The following POFUT3 variants were observed in gnomAD, a reference collection of about 807,000 sequenced individuals.
The protein encoded by POFUT3 is protein O-fucosyltransferase 3.
At chr8:33,449,930 CTTTTCTTTT>C in the POFUT3 span, among the ~76,000 whole-genome samples, 3 of 110,774 alleles carry the variant, frequency 2.7e-5, no homozygotes, top group African/African-American at 1.1e-4. Context: ...GGTTATGAAG[CTTTTCTTTT>C]TTTTTTTTTT....
chr8:33,461,740 C>G, the POFUT3 span: 3 of 1,097,892 alleles, frequency 2.7e-6, no homozygotes, highest in Non-Finnish European at 3.7e-6. Flanking sequence ...AACAAAAGAT[C>G]ATCTTTTAGC....
the POFUT3 span, among the ~76,000 whole-genome samples, chr8:33,360,633 C>G: frequency 6.6e-6 from 1 of 152,076 alleles, no homozygotes; most frequent in Admixed American, 6.6e-5. Flanking sequence ...TCTGGCTTAA[C>G]CAATAGCGCC....
the POFUT3 span, among the ~76,000 whole-genome samples, chr8:33,318,221 T>G: frequency 6.6e-6 from 1 of 151,834 alleles, no homozygotes; most frequent in Admixed American, 6.6e-5. Context: ...GTTTTGTATT[T>G]TCGTCTGAAG....
chr8:33,376,399 T>C, the POFUT3 span, among the ~76,000 whole-genome samples: 1 of 152,270 alleles, frequency 6.6e-6, no homozygotes, highest in East Asian at 1.9e-4. Context: ...ATAGGAAATA[T>C]ATGAGGAGAT....
At chr8:33,391,840 T>C in the POFUT3 span, among the ~76,000 whole-genome samples, 1 of 152,050 alleles carries the variant, frequency 6.6e-6, no homozygotes, top group African/African-American at 2.4e-5. Flanking sequence ...GGGATTTGAG[T>C]GAGTGACCCA....
chr8:33,338,745 G>A, the POFUT3 span: 9 of 152,168 alleles, frequency 5.9e-5, no homozygotes, highest in African/African-American at 1.4e-4. Flanking sequence ...AAAGCCAAGT[G>A]AGGTGTCAGT....
the POFUT3 span, among the ~76,000 whole-genome samples, chr8:33,369,614 C>T: frequency 6.6e-6 from 1 of 152,054 alleles, no homozygotes; most frequent in Admixed American, 6.6e-5. Flanking sequence ...CTATTAATGA[C>T]TTTTTTAATG....
At chr8:33,384,516 G>A in the POFUT3 span, among the ~76,000 whole-genome samples, 1 of 152,010 alleles carries the variant, frequency 6.6e-6, no homozygotes, top group Non-Finnish European at 1.5e-5. Flanking sequence ...TATCACTCAG[G>A]GGTTACAGAA....
the POFUT3 span, among the ~76,000 whole-genome samples, chr8:33,367,548 T>C: frequency 6.6e-6 from 1 of 152,184 alleles, no homozygotes; most frequent in Non-Finnish European, 1.5e-5. Flanking sequence ...CACCTCTATA[T>C]TTCTGTGTGT....
the POFUT3 span, among the ~76,000 whole-genome samples, chr8:33,320,742 C>A: frequency 2.6e-4 from 40 of 152,200 alleles, no homozygotes; most frequent in African/African-American, 9.1e-4. Flanking sequence ...CACATGGCCT[C>A]CATGAGGCTT....
chr8:33,356,977 G>A, the POFUT3 span, among the ~76,000 whole-genome samples: 1 of 152,088 alleles, frequency 6.6e-6, no homozygotes, highest in African/African-American at 2.4e-5. Context: ...AGATCAGATA[G>A]TTGTAGATAT....
chr8:33,324,294 T>C, the POFUT3 span, among the ~76,000 whole-genome samples: 3 of 152,254 alleles, frequency 2.0e-5, no homozygotes, highest in East Asian at 5.8e-4. Flanking sequence ...ACATGGATAA[T>C]GGTGAGCAAA....
the POFUT3 span, among the ~76,000 whole-genome samples, chr8:33,339,953 AAAG>A: frequency 6.6e-6 from 1 of 152,204 alleles, no homozygotes; most frequent in Non-Finnish European, 1.5e-5. Context: ...AGAAAATTAT[AAAG>A]AATATGCTAA....
chr8:33,451,449 T>C, the POFUT3 span, among the ~76,000 whole-genome samples: 42 of 152,034 alleles, frequency 2.8e-4, no homozygotes, highest in African/African-American at 9.7e-4. Context: ...TATATGTGCA[T>C]GTGTATATGT....
the POFUT3 span, among the ~76,000 whole-genome samples, chr8:33,351,100 G>A: frequency 1.3e-5 from 2 of 152,030 alleles, no homozygotes; most frequent in Admixed American, 1.3e-4. Flanking sequence ...GATTACAGGT[G>A]TGCACCGCCA....
At chr8:33,395,146 AC>A in the POFUT3 span, among the ~76,000 whole-genome samples, 1 of 152,166 alleles carries the variant, frequency 6.6e-6, no homozygotes, top group Non-Finnish European at 1.5e-5. Flanking sequence ...GCAGGGAAAT[AC>A]TGGGTAGAAG....
At chr8:33,424,328 G>T in the POFUT3 span, among the ~76,000 whole-genome samples, 1 of 152,088 alleles carries the variant, frequency 6.6e-6, no homozygotes, top group African/African-American at 2.4e-5. Context: ...AGCTACTTAG[G>T]AAATGTTAGT....
chr8:33,367,819 C>A, the POFUT3 span, among the ~76,000 whole-genome samples: 1 of 151,888 alleles, frequency 6.6e-6, no homozygotes, highest in Non-Finnish European at 1.5e-5. Flanking sequence ...GGGATAATAT[C>A]CTGACCCAAA....
At chr8:33,471,545 C>A in the POFUT3 span, among the ~76,000 whole-genome samples, 1 of 152,126 alleles carries the variant, frequency 6.6e-6, no homozygotes. Context: ...CCACCGCGCC[C>A]GGCCGGCCTA....
Sources: gnomAD v4.1 joint callset for allele counts (sites outside exome capture counted in the v4.1 genomes callset) on GRCh38, gnomAD v4.1.1 for gene constraint, MANE v1.5 for transcripts, NCBI Gene and HGNC (gene_info 2026-07-23, HGNC 2026-07-21) for gene names.